The following SP140L variants were observed in gnomAD, a reference collection of about 807,000 sequenced individuals.
The protein encoded by SP140L is SP140 like nuclear body protein.
In SP140L, 64 loss-of-function variants were observed where a neutral mutation model predicts 84.3. The ratio of observed to expected loss-of-function variants is 0.76; its 90% CI spans 0.62 to 0.94. The LOEUF is 0.94. SP140L is among the 40% of genes least tolerant of loss of function. The pLI is 0.00. For synonymous variants in SP140L, 242 were observed against 236.9 expected (o/e 1.02, Z -0.20); for missense variants, 628 against 692.5 (o/e 0.91, Z 1.05).
At chr2:230,339,933 G>T (rs2059989636) in intron 2 of SP140L, among the ~76,000 whole-genome samples, 2 of 150,766 alleles carry the variant, frequency 1.3e-5, no homozygotes, top group African/African-American at 4.9e-5. Context: ...GTCAATTTTG[G>T]AATAGGTGTG....
chr2:230,403,183 T>C lies in SP140L; in HGVS notation c.*287T>C. 3.4e-6 allele frequency: 1 copy of C among 293,156 alleles called. No homozygotes were observed. The highest frequency in any genetic ancestry group is 6.2e-6 in the Non-Finnish European group (1 of 161,044). The allele number at this position is 293,156 out of a possible 1,614,324, so 18.2% of individuals were successfully genotyped here. A position where few individuals can be genotyped will look rare whatever the true frequency, so the allele number is the denominator to read the frequency against. On this transcript the variant is annotated 3_prime_UTR_variant, in exon 19 of 19. Coordinates refer to ENST00000415673, the MANE Select transcript of SP140L (RefSeq NM_138402.6). ...TCCTGAGGTCTGCTCCAGACAACAT[T>C]TATTACTCACAAGACCTTTTTCCTC...
intron 5 of SP140L, among the ~76,000 whole-genome samples, chr2:230,369,758 CTTTT>C (rs1354190604): frequency 1.3e-5 from 2 of 148,796 alleles, no homozygotes; most frequent in South Asian, 2.1e-4. Context: ...TTACTACTTT[CTTTT>C]TGTTTGTTTG....
chr2:230,358,342 T>A (rs771696697), intron 3 of SP140L, among the ~76,000 whole-genome samples: 1 of 152,186 alleles, frequency 6.6e-6, no homozygotes, highest in Non-Finnish European at 1.5e-5. Flanking sequence ...CCACAGGGAA[T>A]TGGTGTCTAG....
intron 16 of SP140L, 54 bp from the exon 17 acceptor site, chr2:230,401,312 T>C (rs1329507903): frequency 1.7e-5 from 27 of 1,610,568 alleles, no homozygotes; most frequent in Non-Finnish European, 2.3e-5. Flanking sequence ...GTCTCATGCA[T>C]GTGGGCTCAT....
intron 2 of SP140L, among the ~76,000 whole-genome samples, chr2:230,350,656 A>C (rs1036822867): frequency 6.6e-6 from 1 of 152,212 alleles, no homozygotes; most frequent in African/African-American, 2.4e-5. Flanking sequence ...ATAAACAATA[A>C]ACAAACAAAT....
At chr2:230,398,579 G>C (rs1359777432) in intron 14 of SP140L, among the ~76,000 whole-genome samples, 1 of 152,204 alleles carries the variant, frequency 6.6e-6, no homozygotes, top group Non-Finnish European at 1.5e-5. Context: ...CTGTGAGACA[G>C]CCAAAAAACT....
chr2:230,373,808 A>G (rs1188129287), intron 7 of SP140L, among the ~76,000 whole-genome samples: 1 of 152,242 alleles, frequency 6.6e-6, no homozygotes, highest in African/African-American at 2.4e-5. Context: ...GATTCCTCTG[A>G]TGAATCTGGG....
intron 7 of SP140L, among the ~76,000 whole-genome samples, chr2:230,379,324 A>T (rs1331629258): frequency 1.3e-5 from 2 of 152,072 alleles, no homozygotes; most frequent in Admixed American, 6.5e-5. Context: ...GGATTGATAT[A>T]AAATTCTATA....
At chr2:230,386,873 G>T (rs980297191) in intron 9 of SP140L, among the ~76,000 whole-genome samples, 1 of 152,230 alleles carries the variant, frequency 6.6e-6, no homozygotes. Flanking sequence ...TGTGGCCAGA[G>T]CTCTAGTGCC....
intron 15 of SP140L, chr2:230,400,629 T>C: frequency 1.9e-6 from 1 of 525,370 alleles, no homozygotes; most frequent in South Asian, 2.1e-5. Flanking sequence ...AGGCCTGACG[T>C]CCCTGGAGTT....
chr2:230,355,751 C>T (rs779131006), intron 2 of SP140L, among the ~76,000 whole-genome samples: 47 of 152,052 alleles, frequency 3.1e-4, no homozygotes, highest in South Asian at 4.1e-4. Context: ...TGAATATTTT[C>T]GTGACCTTGG....
chr2:230,365,560 T>C (rs2060841544), intron 5 of SP140L, among the ~76,000 whole-genome samples: 1 of 152,094 alleles, frequency 6.6e-6, no homozygotes, highest in African/African-American at 2.4e-5. Flanking sequence ...TTTGTCAATT[T>C]TGTTTACCTT....
intron 2 of SP140L, among the ~76,000 whole-genome samples, chr2:230,354,220 T>A (rs1316626699): frequency 6.6e-6 from 1 of 152,174 alleles, no homozygotes; most frequent in Non-Finnish European, 1.5e-5. Context: ...GTTATTTGTT[T>A]CTACATAAGA....
At chr2:230,334,453 G>A (rs558623923) in intron 2 of SP140L, among the ~76,000 whole-genome samples, 68 of 152,314 alleles carry the variant, frequency 4.5e-4, no homozygotes, top group African/African-American at 1.6e-3. Flanking sequence ...AAAGATGAAT[G>A]CAGATGTGTT....
chr2:230,352,212 A>G (rs1369879678), intron 2 of SP140L, among the ~76,000 whole-genome samples: 2 of 152,028 alleles, frequency 1.3e-5, no homozygotes, highest in East Asian at 3.9e-4. Flanking sequence ...AGAACTAGTA[A>G]GTTTTATATG....
chr2:230,335,774 A>G (rs1302792165), intron 2 of SP140L, among the ~76,000 whole-genome samples: 1 of 152,208 alleles, frequency 6.6e-6, no homozygotes, highest in African/African-American at 2.4e-5. Flanking sequence ...CAGCTCTGCC[A>G]CTGCATAGAT....
chr2:230,389,986 G>C lies in SP140L; in HGVS notation c.927G>C (p.Gly309=). The C allele has an allele frequency of 1.9e-6, 3 of 1,613,754 alleles. No individual in the cohort carries two copies. The highest frequency in any genetic ancestry group is 1.7e-6 in the Non-Finnish European group (2 of 1,179,788). Reference sequence around the variant, plus strand: ...CTTTACTTCCAGTGACCTGTGGTGGGGTGAAGGGAATTTTACATAAGGAGA... The same window carrying C: ...CTTTACTTCCAGTGACCTGTGGTGGCGTGAAGGGAATTTTACATAAGGAGA... ...QAPLLPVTCG[G]VKGILHKEKL... is the part of the protein sequence containing the mutation. Residue 309 remains glycine, a synonymous_variant, in exon 11 of 19, where the codon GGG becomes GGC. Transcript: ENST00000415673.
intron 2 of SP140L, among the ~76,000 whole-genome samples, chr2:230,333,465 T>C (rs891980982): frequency 6.6e-6 from 1 of 152,156 alleles, no homozygotes; most frequent in Non-Finnish European, 1.5e-5. Flanking sequence ...ACCCCCATTC[T>C]GATTCTTGAT....
chr2:230,397,106 A>G (rs993398783), intron 14 of SP140L, among the ~76,000 whole-genome samples: 2 of 152,328 alleles, frequency 1.3e-5, no homozygotes, highest in Admixed American at 1.3e-4. Flanking sequence ...CAGAGCTTGA[A>G]GTGGTAATGG....
Sources: gnomAD v4.1 joint callset for allele counts (sites outside exome capture counted in the v4.1 genomes callset) on GRCh38, gnomAD v4.1.1 for gene constraint, MANE v1.5 for transcripts, NCBI Gene and HGNC (gene_info 2026-07-23, HGNC 2026-07-21) for gene names.